TNKS: variants seen among roughly 807,000 people sequenced by gnomAD.
TNKS encodes the protein poly [ADP-ribose] polymerase tankyrase-1.
In TNKS, 72 loss-of-function variants were observed where a neutral mutation model predicts 135.8. The ratio of observed to expected loss-of-function variants is 0.53; its 90% confidence interval spans 0.44 to 0.64. TNKS has a LOEUF of 0.64. TNKS is among the 30% of genes least tolerant of loss of function. TNKS has a pLI of 0.00. For synonymous variants in TNKS, 849 were observed against 649.3 expected, an observed-to-expected ratio of 1.31 and a Z score of -4.68; for missense variants, 1,769 against 1,674.0, an observed-to-expected ratio of 1.06 and a Z score of -0.99.
chr8:9,649,404 C>T (rs1247674160), intron 3 of TNKS, among the ~76,000 whole-genome samples: 5 of 152,170 alleles, frequency 3.3e-5, no homozygotes, highest in African/African-American at 1.2e-4. Flanking sequence ...CTATTTAATA[C>T]ACTTCACTAG....
intron 3 of TNKS, among the ~76,000 whole-genome samples, chr8:9,679,304 T>C (rs536937771): frequency 6.6e-6 from 1 of 152,308 alleles, no homozygotes; most frequent in East Asian, 1.9e-4. Flanking sequence ...TATTGCCATT[T>C]AAGAATGTAT....
chr8:9,604,018 T>C (rs2128760321), intron 2 of TNKS, among the ~76,000 whole-genome samples: 1 of 152,092 alleles, frequency 6.6e-6, no homozygotes, highest in East Asian at 1.9e-4. Context: ...AAAGAGGAAG[T>C]AAAATTCTTT....
At chr8:9,660,731 G>A (rs868444921) in intron 3 of TNKS, among the ~76,000 whole-genome samples, 110 of 152,232 alleles carry the variant, frequency 7.2e-4, no homozygotes, top group African/African-American at 2.4e-3. Context: ...TGGAAGTCCT[G>A]GCCAGGGCAA....
At chr8:9,616,307 A>G (rs1046560017) in intron 3 of TNKS, among the ~76,000 whole-genome samples, 1 of 152,228 alleles carries the variant, frequency 6.6e-6, no homozygotes, top group African/African-American at 2.4e-5. Context: ...TCTCATAACA[A>G]TATAGAAAAT....
chr8:9,679,876 C>G (rs1706729517), intron 3 of TNKS, 75 bp from the exon 4 acceptor site: 5 of 1,207,718 alleles, frequency 4.1e-6, no homozygotes, highest in East Asian at 4.6e-5. Context: ...ATTTAATTCT[C>G]TATTTGCTGC....
At chr8:9,593,498 G>A (rs897336823) in intron 2 of TNKS, among the ~76,000 whole-genome samples, 2 of 152,020 alleles carry the variant, frequency 1.3e-5, no homozygotes, top group African/African-American at 4.8e-5. Flanking sequence ...TTTTAGCTTA[G>A]CTTTTAAAAC....
chr8:9,652,477 C>T (rs1801183332), intron 3 of TNKS, among the ~76,000 whole-genome samples: 1 of 152,086 alleles, frequency 6.6e-6, no homozygotes, highest in Non-Finnish European at 1.5e-5. Flanking sequence ...TTATAACTTT[C>T]TAGGGATGCA....
chr8:9,688,189 C>G (rs1803099514), intron 5 of TNKS, among the ~76,000 whole-genome samples: 1 of 152,060 alleles, frequency 6.6e-6, no homozygotes, highest in Admixed American at 6.6e-5. Flanking sequence ...TTTGAGTACC[C>G]TTTGGTTTGA....
At chr8:9,628,386 T>TA (rs1800147860) in intron 3 of TNKS, among the ~76,000 whole-genome samples, 1 of 152,188 alleles carries the variant, frequency 6.6e-6, no homozygotes, top group Admixed American at 6.5e-5. Flanking sequence ...CTGAGTTTTT[T>TA]AAGAAACTCT....
chr8:9,616,955 A>C (rs1799666907), intron 3 of TNKS, among the ~76,000 whole-genome samples: 1 of 152,210 alleles, frequency 6.6e-6, no homozygotes, highest in Non-Finnish European at 1.5e-5. Flanking sequence ...CTCTGACCAA[A>C]GGAGAAATAC....
chr8:9,726,381 G>C (rs1359079238), intron 12 of TNKS, among the ~76,000 whole-genome samples: 1 of 152,084 alleles, frequency 6.6e-6, no homozygotes, highest in Non-Finnish European at 1.5e-5. Context: ...CAGAGCAACT[G>C]TCTCAAAAAA....
chr8:9,655,990 C>G (rs1363283979), intron 3 of TNKS, among the ~76,000 whole-genome samples: 1 of 151,960 alleles, frequency 6.6e-6, no homozygotes, highest in Middle Eastern at 3.2e-3. Context: ...AGTTAAAAAC[C>G]TTGAAAAAAA....
intron 2 of TNKS, among the ~76,000 whole-genome samples, chr8:9,580,807 G>T (rs567805107): frequency 4.6e-5 from 7 of 152,214 alleles, no homozygotes; most frequent in Non-Finnish European, 7.4e-5. Flanking sequence ...ATGGGGTTTT[G>T]AGTGTTTTGA....
chr8:9,709,985 C>CG lies in TNKS; in HGVS notation c.1610dup (p.Lys538Ter). ...TGCTGTGGCCTCTCTGCATCCCAAA[C>CG]GTAAACAAGTGACAGAATTGTTACT... On this transcript the variant is annotated frameshift_variant, in exon 10 of 27. Transcript: ENST00000310430. LOFTEE classifies it high-confidence loss of function. The CG allele has an allele frequency of 6.2e-7, 1 of 1,613,710 alleles. No individual in the cohort carries two copies. Among genetic ancestry groups the CG allele is most frequent in the Non-Finnish European group, 8.5e-7 (1 of 1,179,984 alleles).
intron 2 of TNKS, among the ~76,000 whole-genome samples, chr8:9,606,214 G>C (rs1474841729): frequency 6.7e-6 from 1 of 150,006 alleles, no homozygotes; most frequent in African/African-American, 2.5e-5. Flanking sequence ...TGTTGAATAG[G>C]CTATTTTTCC....
At chr8:9,712,201 T>C (rs1234899567) in intron 11 of TNKS, among the ~76,000 whole-genome samples, 1 of 152,196 alleles carries the variant, frequency 6.6e-6, no homozygotes, top group Non-Finnish European at 1.5e-5. Flanking sequence ...GAGCCACGTG[T>C]AGTGGCCCGT....
chr8:9,604,037 G>A (rs540839722), intron 2 of TNKS, among the ~76,000 whole-genome samples: 8 of 152,124 alleles, frequency 5.3e-5, no homozygotes, highest in Non-Finnish European at 8.8e-5. Context: ...TTAAAAATGC[G>A]AAATTTTGCA....
rs574706695 is a variant in TNKS, at chr8:9,719,841, G to A, written c.1750-533G>A. Among the ~76,000 whole-genome samples, 4 of 152,230 alleles carry A rather than the reference G, an allele frequency of 2.6e-5. No homozygotes were observed. The South Asian group carries it at 8.3e-4, about 32-fold the overall frequency. ...ACTCTTCAAAGCTTTAAAAAGGAAT[G>A]TTTGAATCCTCAAATCTTTTTTTTG... is the stretch of plus-strand genomic sequence containing the variant. On this transcript the variant is annotated intron_variant, in intron 11 of 26. Transcript: ENST00000310430.
At chr8:9,663,338 A>G (rs1404411908) in intron 3 of TNKS, among the ~76,000 whole-genome samples, 1 of 152,220 alleles carries the variant, frequency 6.6e-6, no homozygotes, top group African/African-American at 2.4e-5. Context: ...TTTGAGGATT[A>G]AGTGAGTTTA....
Sources: gnomAD v4.1 joint callset for allele counts (sites outside exome capture counted in the v4.1 genomes callset) on GRCh38, gnomAD v4.1.1 for gene constraint, MANE v1.5 for transcripts, NCBI Gene and HGNC (gene_info 2026-07-23, HGNC 2026-07-21) for gene names.